The following PGLYRP1 variants were observed in gnomAD, a reference collection of about 807,000 sequenced individuals.
PGLYRP1 encodes the protein TNF superfamily, member 3 (LTB)-like (peptidoglycan recognition protein).
In PGLYRP1, 18 loss-of-function variants were observed where a neutral mutation model predicts 16.3. The ratio of observed to expected loss-of-function variants is 1.11; its 90% CI spans 0.77 to 1.64. The LOEUF is 1.64. Among genes scored for constraint, PGLYRP1 ranks in the 40% most tolerant of loss-of-function variants. The probability of loss-of-function intolerance (pLI) is 0.00; values close to 1 mark genes in which losing one functional copy is unlikely to be tolerated. For missense variants in PGLYRP1, 261 were observed against 268.6 expected, an observed-to-expected ratio of 0.97 and a Z score of 0.20; for synonymous variants, 89 against 105.7, an observed-to-expected ratio of 0.84 and a Z score of 0.97.
rs149507848 is a variant in PGLYRP1, at chr19:46,019,274, G to T, written c.555C>A (p.His185Gln). 7 of 1,613,840 alleles carry T rather than the reference G, an allele frequency of 4.3e-6. No individual in the cohort carries two copies. The African/African-American group carries it at 6.7e-5, about 15-fold the overall frequency. Residue 185 changes from histidine to glutamine, a missense_variant, in exon 3 of 3, where the codon CAC becomes CAA. By Grantham distance (24) the His-to-Gln change is conservative. Coordinates refer to ENST00000008938, the MANE Select transcript of PGLYRP1 (RefSeq NM_005091.3). This position sits in a 1 kb window ranked among gnomAD's most constrained non-coding sequence, Gnocchi z 4.8. ...GGTAGTGTGGCCAATTCTGGATGAG[G>T]TGGTAGAGCTGGTTGCCTGGAGAGA... The part of the protein sequence containing the change: ...RTLSPGNQLY[H>Q]LIQNWPHYRS...
intron 1 of PGLYRP1, among the ~76,000 whole-genome samples, chr19:46,020,908 G>A (rs1969037750): frequency 6.6e-6 from 1 of 152,136 alleles, no homozygotes; most frequent in East Asian, 1.9e-4. Flanking sequence ...CCCTGCTGGT[G>A]ATGCTGGCTG....
chr19:46,021,634 C>G (rs1192451458), intron 1 of PGLYRP1, among the ~76,000 whole-genome samples: 10 of 152,144 alleles, frequency 6.6e-5, no homozygotes, highest in Admixed American at 6.5e-4. Flanking sequence ...CAGCCGGCAC[C>G]CCTTACAGTC....
chr19:46,022,714 G>GT (rs1157137289), intron 1 of PGLYRP1, 21 bp downstream of exon 1: 4 of 1,613,078 alleles, frequency 2.5e-6, no homozygotes, highest in African/African-American at 1.3e-5. Context: ...AGTCCAGCCC[G>GT]TGCCCCCCTG....
chr19:46,019,675 G>A lies in PGLYRP1; in HGVS notation c.288-28C>T. The A allele has an allele frequency of 2.5e-6, 4 of 1,604,008 alleles. No homozygotes were observed. The highest frequency in any genetic ancestry group is 2.2e-5 in the East Asian group (1 of 44,792). Reference sequence around the variant, plus strand: ...GCATGGGGAGGTGGGGGGGCTTGATGAGTGAGGGAGGGTTTCCCGAGGAGG... The same window carrying A: ...GCATGGGGAGGTGGGGGGGCTTGATAAGTGAGGGAGGGTTTCCCGAGGAGG... On this transcript the variant is annotated intron_variant, in intron 1 of 2. Coordinates refer to ENST00000008938, the MANE Select transcript of PGLYRP1 (RefSeq NM_005091.3). The surrounding 1 kb of genome is among the most constrained non-coding windows in gnomAD (Gnocchi z 4.8).
chr19:46,020,214 T>C (rs1969030040), intron 1 of PGLYRP1, among the ~76,000 whole-genome samples: 1 of 151,852 alleles, frequency 6.6e-6, no homozygotes, highest in South Asian at 2.1e-4. Context: ...GTTCAAGTGA[T>C]TCTCGTGCCT....
chr19:46,021,425 G>A (rs1969043010), intron 1 of PGLYRP1: 1 of 152,234 alleles, frequency 6.6e-6, no homozygotes, highest in Admixed American at 6.5e-5. Flanking sequence ...GTGTCCCCTG[G>A]GTGGGGTCTA....
At position 46,019,767 on chromosome 19, in the gene PGLYRP1, T is replaced by A; in HGVS notation, c.288-120A>T. 1 of 1,026,972 alleles carries A rather than the reference T, an allele frequency of 9.7e-7. No individual in the cohort carries two copies. Among genetic ancestry groups the A allele is most frequent in the Non-Finnish European group, 1.4e-6 (1 of 715,016 alleles). The allele number at this position is 1,026,972 out of a possible 1,614,324, so 63.6% of individuals were successfully genotyped here. ...CGTGGTGCACACAACTTCCCCAGCA[T>A]CCTTCTCACCCGTTAATTTCCCACG... On this transcript the variant is annotated intron_variant, in intron 1 of 2. Coordinates refer to ENST00000008938, the MANE Select transcript of PGLYRP1 (RefSeq NM_005091.3). The surrounding 1 kb of genome is among the most constrained non-coding windows in gnomAD (Gnocchi z 4.8).
intron 1 of PGLYRP1, among the ~76,000 whole-genome samples, chr19:46,020,913 T>A (rs1453863646): frequency 6.6e-6 from 1 of 152,160 alleles, no homozygotes; most frequent in Non-Finnish European, 1.5e-5. Context: ...CTGGTGATGC[T>A]GGCTGCTGGG....
rs200395546 is a variant in PGLYRP1 at position 46,019,435 on chromosome 19, G to A, written c.410-16C>T. 8.1e-6 allele frequency: 13 copies of A among 1,612,770 alleles called. No homozygotes were observed. Among genetic ancestry groups the A allele is most frequent in the Admixed American group, 1.7e-5 (1 of 59,962 alleles). ...GGCACCCGATCTGGAGGAGGCAGAG[G>A]TAGGAGTCAGGCAGGGGCTTCCCCG... is the stretch of plus-strand genomic sequence containing the variant. On this transcript the variant is annotated splice_polypyrimidine_tract_variant and intron_variant, in intron 2 of 2. Coordinates refer to ENST00000008938, the MANE Select transcript of PGLYRP1 (RefSeq NM_005091.3). The surrounding 1 kb of genome is among the most constrained non-coding windows in gnomAD (Gnocchi z 4.8).
Position 46,019,728 on chromosome 19 carries a change from G to C in PGLYRP1, c.288-81C>G, listed in dbSNP as rs975629670. On this transcript the variant is annotated intron_variant, in intron 1 of 2. Coordinates refer to ENST00000008938, the MANE Select transcript of PGLYRP1 (RefSeq NM_005091.3). The surrounding 1 kb of genome is among the most constrained non-coding windows in gnomAD (Gnocchi z 4.8). ...TCCTCCTCCTTCCTCCACTCACCCT[G>C]CCTCCGTTACTGCCGTGGTGCACAC... 1.4e-6 allele frequency: 2 copies of C among 1,456,740 alleles called. No individual in the cohort carries two copies. Among genetic ancestry groups the C allele is most frequent in the Admixed American group, 4.0e-5 (2 of 49,556 alleles). The allele number at this position is 1,456,740 out of a possible 1,614,324, so 90.2% of individuals were successfully genotyped here.
At position 46,023,043 on chromosome 19, in the gene PGLYRP1, G is replaced by C. The variant is rs201917420; in HGVS notation, c.-22C>G. On this transcript the variant is annotated 5_prime_UTR_variant, in exon 1 of 3. Coordinates refer to ENST00000008938, the MANE Select transcript of PGLYRP1 (RefSeq NM_005091.3). The stretch of plus-strand genomic sequence containing the variant: ...ACATAGTGGCAGGGCGGCAGGGTCC[G>C]GGAGACCGCTAGGAGCGCCCGGTGG... 2 of 1,498,032 alleles carry C rather than the reference G, an allele frequency of 1.3e-6. No homozygotes were observed. Among genetic ancestry groups the C allele is most frequent in the Non-Finnish European group, 1.8e-6 (2 of 1,125,462 alleles). The allele number at this position is 1,498,032 out of a possible 1,614,324, so 92.8% of individuals were successfully genotyped here.
At chr19:46,022,237 G>A (rs1047816681) in intron 1 of PGLYRP1, among the ~76,000 whole-genome samples, 1 of 152,208 alleles carries the variant, frequency 6.6e-6, no homozygotes, top group Non-Finnish European at 1.5e-5. Flanking sequence ...TAGGTGCTTT[G>A]CCTGTATTGG....
In PGLYRP1 at chr19:46,019,476, C is replaced by T. The variant is rs377286202; in HGVS notation, c.409+50G>A. 2.2e-5 allele frequency: 36 copies of T among 1,612,294 alleles called. No homozygotes were observed. The highest frequency in any genetic ancestry group is 3.3e-5 in the Admixed American group (2 of 59,888). On this transcript the variant is annotated intron_variant, in intron 2 of 2. Transcript: ENST00000008938. The surrounding 1 kb of genome is among the most constrained non-coding windows in gnomAD (Gnocchi z 4.8). Reference sequence around the variant, plus strand: ...GGCTTCCCCGAAGGGGAAGTGATAGCGTAGGGCCCCGTGTCAGCCCCCATC... The same window carrying T: ...GGCTTCCCCGAAGGGGAAGTGATAGTGTAGGGCCCCGTGTCAGCCCCCATC...
At chr19:46,021,670 A>G (rs1969045438) in intron 1 of PGLYRP1, among the ~76,000 whole-genome samples, 1 of 152,170 alleles carries the variant, frequency 6.6e-6, no homozygotes, top group Admixed American at 6.5e-5. Flanking sequence ...AGCCAGAGGG[A>G]GTCTCTTGTA....
At position 46,022,745 on chromosome 19, in the gene PGLYRP1, C is replaced by T; in HGVS notation, c.277G>A (p.Val93Met). 1 of 1,614,148 alleles carries T rather than the reference C, an allele frequency of 6.2e-7. No individual in the cohort carries two copies. The highest frequency in any genetic ancestry group is 8.5e-7 in the Non-Finnish European group (1 of 1,179,996). The stretch of plus-strand genomic sequence containing the variant: ...CCCTGCCACACTCACTTGTAGCCCA[C>T]GTCGCACCAGCCCAGTGTCTTCATG... ...YHMKTLGWCDVGYNFLIGEDG... is the reference protein window; with the variant it reads ...YHMKTLGWCDMGYNFLIGEDG... Residue 93 changes from valine to methionine, a missense_variant, in exon 1 of 3, where the codon GTG becomes ATG. Val to Met is a conservative substitution (Grantham distance 21). Coordinates refer to ENST00000008938, the MANE Select transcript of PGLYRP1 (RefSeq NM_005091.3).
Position 46,022,837 on chromosome 19 carries a change from G to A in PGLYRP1, c.185C>T (p.Thr62Met), listed in dbSNP as rs1179523486. Residue 62 changes from threonine to methionine, a missense_variant, in exon 1 of 3, where the codon ACG becomes ATG. Thr to Met is a moderately conservative substitution (Grantham distance 81). Coordinates refer to ENST00000008938, the MANE Select transcript of PGLYRP1 (RefSeq NM_005091.3). ...GGGGGTGTTGCAGCTGCTGCCCGCC[G>A]TGTGCGATACCACCACATAGCGTAA... The part of the protein sequence containing the change: ...LPLRYVVVSH[T>M]AGSSCNTPAS... 7 of 1,613,562 alleles carry A rather than the reference G, an allele frequency of 4.3e-6. No individual in the cohort carries two copies. The highest frequency in any genetic ancestry group is 5.9e-6 in the Non-Finnish European group (7 of 1,179,760).
intron 1 of PGLYRP1, among the ~76,000 whole-genome samples, chr19:46,020,640 G>A (rs1262310441): frequency 6.6e-6 from 1 of 152,172 alleles, no homozygotes; most frequent in East Asian, 1.9e-4. Flanking sequence ...AGGTTCCCAA[G>A]CCTGGCAGCA....
chr19:46,022,738 T>C lies in PGLYRP1; in HGVS notation c.284A>G (p.Tyr95Cys), dbSNP rs1969058731. ...CGTGCCCCCCTGCCACACTCACTTG[T>C]AGCCCACGTCGCACCAGCCCAGTGT... ...MKTLGWCDVG[Y>C]NFLIGEDGLV... The change falls in exon 1 of 3, where the codon TAC becomes TGC. Residue 95 changes from tyrosine (Y) to cysteine (C), a missense_variant. Physicochemically the swap from Tyr to Cys is radical, Grantham distance 194. Transcript: ENST00000008938. 6.2e-7 allele frequency: 1 copy of C among 1,614,048 alleles called. No individual in the cohort carries two copies. The highest frequency in any genetic ancestry group is 8.5e-7 in the Non-Finnish European group (1 of 1,180,016).
At position 46,022,994 on chromosome 19, in the gene PGLYRP1, A is replaced by G. The variant is rs1303476751; in HGVS notation, c.28T>C (p.Trp10Arg). ...AGTCGAAGGAGGCTGGGGAGAGCCC[A>G]GGCAAGCAGCATAGAGCGGCGGGAC... MSRRSMLLA[W>R]ALPSLLRLGA... The change falls in exon 1 of 3, where the codon TGG (tryptophan) becomes CGG (arginine). Residue 10 changes from tryptophan (W) to arginine (R), a missense_variant. Transcript: ENST00000008938. 2 of 1,588,114 alleles carry G rather than the reference A, an allele frequency of 1.3e-6. No individual in the cohort carries two copies. The highest frequency in any genetic ancestry group is 1.7e-6 in the Non-Finnish European group (2 of 1,166,848).
Sources: allele counts gnomAD v4.1 joint callset (sites outside exome capture counted in the v4.1 genomes callset), GRCh38; gene constraint gnomAD v4.1.1; non-coding constraint Gnocchi (gnomAD v3.1); transcripts MANE v1.5; gene names NCBI Gene and HGNC (gene_info 2026-07-23, HGNC 2026-07-21).